DHRSX: variants seen among roughly 807,000 people sequenced by gnomAD.
DHRSX encodes polyprenol dehydrogenase.
Under a neutral mutation model 34.0 loss-of-function variants are expected in DHRSX, and 31 were observed. The ratio of observed to expected loss-of-function variants is 0.91; its 90% confidence interval spans 0.69 to 1.23. DHRSX has a LOEUF of 1.23. Ranked by LOEUF, DHRSX falls within the 50% of genes most tolerant of loss-of-function variation. DHRSX has a pLI of 0.00. For synonymous variants in DHRSX, 201 were observed against 183.8 expected (o/e 1.09, Z -0.76); for missense variants, 414 against 428.1 (o/e 0.97, Z 0.29).
At chrX:2,254,627 G>A (rs2041250442) in intron 5 of DHRSX, among the ~76,000 whole-genome samples, 1 of 151,990 alleles carries the variant, frequency 6.6e-6, no homozygotes, top group Non-Finnish European at 1.5e-5. Context: ...AGAAAATACT[G>A]CGAATAAAGA....
chrX:2,396,889 T>A (rs1485263953), intron 3 of DHRSX, among the ~76,000 whole-genome samples: 1 of 151,772 alleles, frequency 6.6e-6, no homozygotes, highest in Non-Finnish European at 1.5e-5. Context: ...CTCAGCCTCC[T>A]GATTAGCTAA....
intron 3 of DHRSX, among the ~76,000 whole-genome samples, chrX:2,294,900 T>C (rs2041914430): frequency 1.3e-5 from 2 of 152,106 alleles, no homozygotes; most frequent in Admixed American, 1.3e-4. Flanking sequence ...GTTAGTTTCA[T>C]ATTCCTTACT....
At chrX:2,298,067 T>C (rs1249352601) in intron 3 of DHRSX, among the ~76,000 whole-genome samples, 1 of 151,880 alleles carries the variant, frequency 6.6e-6, no homozygotes, top group African/African-American at 2.4e-5. Flanking sequence ...GGGGTTTTTA[T>C]AAGGAGGAGG....
At chrX:2,259,287 T>C (rs1246924080) in intron 5 of DHRSX, among the ~76,000 whole-genome samples, 1 of 146,190 alleles carries the variant, frequency 6.8e-6, no homozygotes, top group African/African-American at 2.5e-5. Flanking sequence ...AAAAAATATA[T>C]AGATAGATAT....
rs77835527 is a variant in DHRSX at position 2,315,446 on chromosome X, C to T, written c.287-23843G>A. ...TAGACTAAGGTGTTGGACTTCTGTT[C>T]GTCTGAGGATCCTGTTTCTTGCTGC... is the stretch of plus-strand genomic sequence containing the variant. On this transcript the variant is annotated intron_variant, in intron 3 of 6. Transcript: ENST00000334651. Among the ~76,000 whole-genome samples, 1,496 of 152,226 alleles carry T rather than the reference C, an allele frequency of 9.8e-3. 21 individuals carry two copies. The highest frequency in any genetic ancestry group is 0.053 in the South Asian group (254 of 4,820).
intron 2 of DHRSX, 55 bp downstream of exon 2, chrX:2,425,142 G>GT: frequency 8.2e-7 from 1 of 1,224,982 alleles, no homozygotes; most frequent in Non-Finnish European, 1.2e-6. Context: ...TCCTGTCTCA[G>GT]AAAAAAAAAA....
At chrX:2,291,420 G>T in intron 4 of DHRSX, 82 bp downstream of exon 4, 1 of 1,074,876 alleles carries the variant, frequency 9.3e-7, no homozygotes, top group Non-Finnish European at 1.4e-6. Context: ...GTTTTGCTGA[G>T]ACACTTCTCC....
intron 1 of DHRSX, among the ~76,000 whole-genome samples, chrX:2,469,666 G>A (rs1378733699): frequency 6.7e-6 from 1 of 149,130 alleles, no homozygotes; most frequent in Non-Finnish European, 1.5e-5. Flanking sequence ...GTGTACACAC[G>A]GAAGACATTC....
At chrX:2,412,926 G>C (rs546993920) in intron 2 of DHRSX, among the ~76,000 whole-genome samples, 2 of 152,300 alleles carry the variant, frequency 1.3e-5, no homozygotes, top group South Asian at 2.1e-4. Flanking sequence ...GCCAGGCGTG[G>C]TATCTCATGC....
chrX:2,431,097 G>A (rs1370469980), intron 1 of DHRSX, among the ~76,000 whole-genome samples: 3 of 151,766 alleles, frequency 2.0e-5, no homozygotes, highest in Admixed American at 6.6e-5. Flanking sequence ...AGGCCGAGGC[G>A]GGTGGATCAC....
intron 3 of DHRSX, among the ~76,000 whole-genome samples, chrX:2,395,817 G>C (rs2043402460): frequency 1.3e-5 from 2 of 152,110 alleles, no homozygotes; most frequent in Admixed American, 1.3e-4. Flanking sequence ...ACAGTGTGCT[G>C]ATGTCACACC....
intron 3 of DHRSX, among the ~76,000 whole-genome samples, chrX:2,301,133 G>A (rs1405445171): frequency 6.6e-6 from 1 of 152,224 alleles, no homozygotes; most frequent in East Asian, 1.9e-4. Context: ...AAAAAAGCAG[G>A]CCGGGCGCAG....
intron 4 of DHRSX, among the ~76,000 whole-genome samples, chrX:2,268,028 A>C (rs2041498267): frequency 6.6e-6 from 1 of 152,156 alleles, no homozygotes; most frequent in Non-Finnish European, 1.5e-5. Flanking sequence ...ATGTCCTTTG[A>C]GAAATGCCGA....
chrX:2,420,938 A>G (rs1218717155), intron 2 of DHRSX, among the ~76,000 whole-genome samples: 1 of 152,206 alleles, frequency 6.6e-6, no homozygotes, highest in Non-Finnish European at 1.5e-5. Flanking sequence ...TCATTATGAC[A>G]TAGCCAAACA....
In DHRSX at chrX:2,219,704, T is replaced by G. The variant is rs1323602369; in HGVS notation, c.*1337A>C. The G allele has an allele frequency of 6.6e-6, 1 of 152,180 alleles. No homozygotes were observed. The highest frequency in any genetic ancestry group is 2.1e-4 in the South Asian group (1 of 4,828). 9.4% of individuals were successfully genotyped at this position (152,180 alleles called of 1,614,324 possible). A position where few individuals can be genotyped will look rare whatever the true frequency, so the allele number is the denominator to read the frequency against. ...ATGCCAGGAGCCTGGATTTGAATAGTCAGTGGGATTTTGTCACTTAGTGGA... is the reference window on the plus strand; with the variant it reads ...ATGCCAGGAGCCTGGATTTGAATAGGCAGTGGGATTTTGTCACTTAGTGGA... On this transcript the variant is annotated 3_prime_UTR_variant, in exon 7 of 7. Coordinates refer to ENST00000334651, the MANE Select transcript of DHRSX (RefSeq NM_145177.3).
intron 1 of DHRSX, among the ~76,000 whole-genome samples, chrX:2,454,854 T>C (rs1471854000): frequency 1.3e-5 from 2 of 152,084 alleles, no homozygotes; most frequent in African/African-American, 4.8e-5. Context: ...GGCTCACGCC[T>C]GTAATCTCAG....
chrX:2,265,421 G>A (rs867206734), intron 5 of DHRSX, among the ~76,000 whole-genome samples: 18 of 124,718 alleles, frequency 1.4e-4, no homozygotes, highest in African/African-American at 5.3e-4. Flanking sequence ...AGGGAGCACT[G>A]TCCCCAGAGC....
rs2016183894 is a variant in DHRSX, at chrX:2,243,236, G to C, written c.597-6C>G. On this transcript the variant is annotated splice_region_variant and splice_polypyrimidine_tract_variant and intron_variant, in intron 5 of 6. Coordinates refer to ENST00000334651, the MANE Select transcript of DHRSX (RefSeq NM_145177.3). ...CGTGGGGTGAGTAGCAGGCACTGTG[G>C]GGCAAGCAGGAGAAGGTGTAAGAGG... The C allele has an allele frequency of 1.2e-6, 2 of 1,612,406 alleles. No individual in the cohort carries two copies. Among genetic ancestry groups the C allele is most frequent in the Non-Finnish European group, 1.7e-6 (2 of 1,179,510 alleles).
intron 1 of DHRSX, among the ~76,000 whole-genome samples, chrX:2,444,968 C>T (rs1212029090): frequency 3.9e-5 from 6 of 152,102 alleles, no homozygotes; most frequent in African/African-American, 1.4e-4. Context: ...ACCAGCCTGG[C>T]CAACATGGAG....
Sources: gnomAD v4.1 joint callset for allele counts (sites outside exome capture counted in the v4.1 genomes callset) on GRCh38, gnomAD v4.1.1 for gene constraint, MANE v1.5 for transcripts, NCBI Gene and HGNC (gene_info 2026-07-23, HGNC 2026-07-21) for gene names.